TP53BP1: variants seen among roughly 807,000 people sequenced by gnomAD.
The protein encoded by TP53BP1 is tumor protein p53 binding protein 1.
TP53BP1 carries 61 observed loss-of-function variants against 200.8 expected under a neutral mutation model. The observed-to-expected ratio is 0.30, with a 90% CI of 0.25 to 0.38. TP53BP1 has a LOEUF of 0.38. TP53BP1 is among the 10% of genes least tolerant of loss of function. The pLI, the probability that TP53BP1 is intolerant of heterozygous loss-of-function variation, is 1.00. For synonymous variants in TP53BP1, 822 were observed against 844.3 expected (o/e 0.97, Z 0.46); for missense variants, 2,144 against 2,371.9 (o/e 0.90, Z 2.00).
Position 43,492,289 on chromosome 15 carries a change from C to T in TP53BP1, c.187G>A (p.Val63Met). 3 of 1,613,234 alleles carry T rather than the reference C, an allele frequency of 1.9e-6. No individual in the cohort carries two copies. The highest frequency in any genetic ancestry group is 2.5e-6 in the Non-Finnish European group (3 of 1,179,722). The change falls in exon 2 of 28, where the codon GTG becomes ATG. Residue 63 changes from valine (V) to methionine (M), a missense_variant. Physicochemically the swap from Val to Met is conservative, Grantham distance 21. This residue lies in a region of TP53BP1 where 1,700 missense variants were observed against 1,710.3 expected (regional missense o/e 0.99). Coordinates refer to ENST00000382044, the MANE Select transcript of TP53BP1 (RefSeq NM_001141980.3). ...TCAAACAAGGTATCACTCACCAACA[C>T]AGGATTTTCTTTGTGCGTCTGGAGA... ...PNLQTHKENP[V>M]LDVVSNPEQT...
chr15:43,460,308 TG>T (rs1451292980), intron 11 of TP53BP1, among the ~76,000 whole-genome samples: 3 of 152,202 alleles, frequency 2.0e-5, no homozygotes, highest in African/African-American at 7.2e-5. Context: ...CCAGCCAGGC[TG>T]GAGTGCAGTG....
chr15:43,415,750 T>C lies in TP53BP1; in HGVS notation c.4933A>G (p.Thr1645Ala), dbSNP rs752303589. 1.2e-6 allele frequency: 2 copies of C among 1,614,130 alleles called. No individual in the cohort carries two copies. Among genetic ancestry groups the C allele is most frequent in the South Asian group, 2.2e-5 (2 of 91,076 alleles). ...GTTGTGCTGCTGCTACTGGAGGCAG[T>C]AGGGGTGGCTGGGGAGCTGACGTTA... ...RSNVSSPATPTASSSSSTTPT... is the reference protein window; with the variant it reads ...RSNVSSPATPAASSSSSTTPT... The change falls in exon 23 of 28, where the codon ACT becomes GCT. Residue 1645 changes from threonine to alanine, a missense_variant. Thr to Ala is a moderately conservative substitution (Grantham distance 58). This residue lies in a region of TP53BP1 where 334 missense variants were observed against 453.4 expected (regional missense o/e 0.74). Transcript: ENST00000382044.
rs2045694747 is a variant in TP53BP1 at position 43,432,479 on chromosome 15, T to C, written c.3390A>G (p.Leu1130=). Residue 1130 remains leucine, a synonymous_variant, in exon 17 of 28, where the codon CTA becomes CTG. Coordinates refer to ENST00000382044, the MANE Select transcript of TP53BP1 (RefSeq NM_001141980.3). The part of the protein sequence containing the change: ...PQGEAMVTDV[L]EDQKEGRSTN... ...TACTCCGTCCTTCTTTCTGGTCTTC[T>C]AGCACATCTGTCACCATTGCCTCTC... 1 of 1,614,232 alleles carries C rather than the reference T, an allele frequency of 6.2e-7. No individual in the cohort carries two copies.
chr15:43,507,104 C>A (rs1028591217), intron 1 of TP53BP1, among the ~76,000 whole-genome samples: 5 of 152,004 alleles, frequency 3.3e-5, no homozygotes, highest in African/African-American at 1.2e-4. Context: ...ATGCTTTCAT[C>A]TTCCATTGGT....
rs1354868872 is a variant in TP53BP1, at chr15:43,420,354, C to T, written c.4632G>A (p.Pro1544=). The T allele has an allele frequency of 4.3e-6, 7 of 1,614,164 alleles. No individual in the cohort carries two copies. Among genetic ancestry groups the T allele is most frequent in the East Asian group, 2.2e-5 (1 of 44,886 alleles). ...AGAGGGCCGTCACTTCAGTGTCCAG[C>T]GGGATGGGGTCACATAACAGAATGT... The part of the protein sequence containing the change: ...GKDILLCDPI[P]LDTEVTALSE... Residue 1544 remains proline (P), a synonymous_variant, in exon 21 of 28, where the codon CCG becomes CCA. Transcript: ENST00000382044.
chr15:43,442,168 C>A (rs1479241914), intron 14 of TP53BP1, among the ~76,000 whole-genome samples: 4 of 149,802 alleles, frequency 2.7e-5, no homozygotes, highest in African/African-American at 9.9e-5. Flanking sequence ...TCACTGCAAG[C>A]TCTGCCTCCC....
upstream of TP53BP1, among the ~76,000 whole-genome samples, chr15:43,496,463 C>G (rs973528370): frequency 6.6e-6 from 1 of 152,120 alleles, no homozygotes; most frequent in Non-Finnish European, 1.5e-5. Flanking sequence ...CAAAAGAACC[C>G]TAGCCCAGCT....
intron 17 of TP53BP1, among the ~76,000 whole-genome samples, chr15:43,431,446 T>C (rs1295097571): frequency 6.6e-6 from 1 of 152,218 alleles, no homozygotes; most frequent in Non-Finnish European, 1.5e-5. Flanking sequence ...GGTCTCACTA[T>C]GTTGCCCAGT....
At position 43,405,229 on chromosome 15, in the gene TP53BP1, T is replaced by C; in HGVS notation, c.*2154A>G. The C allele has an allele frequency of 6.2e-7, 1 of 1,614,046 alleles. No individual in the cohort carries two copies. The highest frequency in any genetic ancestry group is 8.5e-7 in the Non-Finnish European group (1 of 1,179,912). ...TCGGGATGTGAAAATTTCTGGCTCATAAATTGAAATAACAGCCACGTTCCC... is the reference window on the plus strand; with the variant it reads ...TCGGGATGTGAAAATTTCTGGCTCACAAATTGAAATAACAGCCACGTTCCC... On this transcript the variant is annotated 3_prime_UTR_variant, in exon 28 of 28. Transcript: ENST00000382044.
intron 12 of TP53BP1, among the ~76,000 whole-genome samples, chr15:43,450,398 A>G (rs1205535573): frequency 6.6e-6 from 1 of 152,244 alleles, no homozygotes; most frequent in Non-Finnish European, 1.5e-5. Context: ...GATATCATGC[A>G]TGAAGTCTAC....
rs545482550 is a variant in TP53BP1, at chr15:43,483,672, A to G, written c.372-2650T>C. Among the ~76,000 whole-genome samples the G allele has an allele frequency of 2.2e-4, 33 of 152,388 alleles. No individual in the cohort carries two copies. The South Asian group carries it at 6.8e-3, about 32-fold the overall frequency. On this transcript the variant is annotated intron_variant, in intron 4 of 27. Coordinates refer to ENST00000382044, the MANE Select transcript of TP53BP1 (RefSeq NM_001141980.3). ...AAGAAGACTAAGTAAAGATTTTTAC[A>G]AAAGCAAAATAGAACATTATCTATA...
At chr15:43,492,122 C>T (rs1188287052) in intron 2 of TP53BP1, 27 bp from the exon 3 acceptor site, 3 of 1,564,972 alleles carry the variant, frequency 1.9e-6, no homozygotes, top group Non-Finnish European at 2.6e-6. Flanking sequence ...CAAAATATCC[C>T]CATTATATAT....
At position 43,475,682 on chromosome 15, in the gene TP53BP1, C is replaced by T. The variant is rs764506638; in HGVS notation, c.968G>A (p.Gly323Asp). The T allele has an allele frequency of 6.2e-7, 1 of 1,613,792 alleles. No homozygotes were observed. Among genetic ancestry groups the T allele is most frequent in the Non-Finnish European group, 8.5e-7 (1 of 1,180,002 alleles). The change falls in exon 9 of 28, where the codon GGT becomes GAT. Residue 323 changes from glycine to aspartate, a missense_variant. Transcript: ENST00000382044. Reference sequence around the variant, plus strand: ...TTCCTCCCTTGAAGGAGTAGAGCAACCATCAGAAGATACTGAAAAAAAGAA... The same window carrying T: ...TTCCTCCCTTGAAGGAGTAGAGCAATCATCAGAAGATACTGAAAAAAAGAA... ...DQSNKTVSSDGCSTPSREEGG... is the reference protein window; with the variant it reads ...DQSNKTVSSDDCSTPSREEGG...
intron 24 of TP53BP1, 74 bp downstream of exon 24, chr15:43,413,045 C>G: frequency 2.1e-6 from 3 of 1,440,736 alleles, no homozygotes; most frequent in Non-Finnish European, 2.9e-6. Context: ...ACAGGGGGAC[C>G]ACCAGCTCAT....
At chr15:43,497,542 T>C, upstream of TP53BP1, 2 of 717,994 alleles carry the variant, frequency 2.8e-6, no homozygotes, top group Non-Finnish European at 3.4e-6. Context: ...GCCAGTACTA[T>C]AGAATAAAAA....
chr15:43,439,371 T>G (rs1248199675), intron 15 of TP53BP1, among the ~76,000 whole-genome samples: 2 of 152,096 alleles, frequency 1.3e-5, no homozygotes, highest in African/African-American at 4.8e-5. Context: ...AAACCCCATC[T>G]CTACTAAAAA....
At chr15:43,411,566 C>T (rs148303170) in intron 24 of TP53BP1, among the ~76,000 whole-genome samples, 7 of 152,302 alleles carry the variant, frequency 4.6e-5, no homozygotes, top group Non-Finnish European at 7.4e-5. Context: ...AGATGTCTTC[C>T]GCCTTCTTGA....
Position 43,463,036 on chromosome 15 carries a change from G to A in TP53BP1, c.1390-5818C>T, listed in dbSNP as rs2046478048. On this transcript the variant is annotated intron_variant, in intron 11 of 27. Coordinates refer to ENST00000382044, the MANE Select transcript of TP53BP1 (RefSeq NM_001141980.3). ...CATGCCACTGCACTCCAGCCTGGGC[G>A]ACAGAGTGAGACTCCATCTCAAAAA... Among the ~76,000 whole-genome samples the A allele has an allele frequency of 2.0e-5, 3 of 151,998 alleles. No individual in the cohort carries two copies. The South Asian group carries it at 6.2e-4, about 31-fold the overall frequency.
chr15:43,435,389 A>T (rs1481101723), intron 16 of TP53BP1, among the ~76,000 whole-genome samples: 2 of 152,142 alleles, frequency 1.3e-5, no homozygotes, highest in Non-Finnish European at 2.9e-5. Flanking sequence ...TCTAGAATCA[A>T]ATCCAGCTAG....
Sources: gnomAD v4.1 joint callset for allele counts (sites outside exome capture counted in the v4.1 genomes callset) on GRCh38, gnomAD v4.1.1 for gene constraint, gnomAD v4.1.1 regional missense constraint, MANE v1.5 for transcripts, NCBI Gene and HGNC (gene_info 2026-07-23, HGNC 2026-07-21) for gene names.